Variants in SLC24A3 observed in about 807,000 individuals in gnomAD.
SLC24A3 encodes solute carrier family 24 member 3, also known as sodium/potassium/calcium exchanger 3.
In SLC24A3, 28 loss-of-function variants were observed where a neutral mutation model predicts 75.8. That is an observed-to-expected ratio of 0.37 (90% confidence interval 0.27 to 0.51). SLC24A3 has a LOEUF of 0.51. Among genes scored for constraint, SLC24A3 ranks in the 20% least tolerant of loss-of-function variants. The pLI is 0.94. For synonymous variants in SLC24A3, 372 were observed against 334.1 expected, an observed-to-expected ratio of 1.11 and a Z score of -1.24; for missense variants, 663 against 847.8, an observed-to-expected ratio of 0.78 and a Z score of 2.71.
At chr20:19,231,780 A>G (rs1300164676) in intron 1 of SLC24A3, among the ~76,000 whole-genome samples, 3 of 152,242 alleles carry the variant, frequency 2.0e-5, no homozygotes, top group Non-Finnish European at 4.4e-5. Context: ...AATATTGGCC[A>G]TGGTCTAACT....
chr20:19,453,002 T>C (rs1452864072), intron 2 of SLC24A3, among the ~76,000 whole-genome samples: 1 of 152,052 alleles, frequency 6.6e-6, no homozygotes, highest in East Asian at 1.9e-4. Flanking sequence ...GCCAAGATGG[T>C]GAAACCCCAT....
chr20:19,678,286 G>A (rs570730801), intron 9 of SLC24A3, among the ~76,000 whole-genome samples: 1,970 of 120,648 alleles, frequency 0.016, 13 homozygotes, highest in Non-Finnish European at 0.02. Flanking sequence ...AGGGGCGGCC[G>A]GGCAGAGGCA....
intron 6 of SLC24A3, among the ~76,000 whole-genome samples, chr20:19,643,783 C>T (rs1978352523): frequency 6.6e-6 from 1 of 152,184 alleles, no homozygotes; most frequent in South Asian, 2.1e-4. Context: ...GAACTCCACA[C>T]TATTTTGGAG....
intron 2 of SLC24A3, among the ~76,000 whole-genome samples, chr20:19,300,859 ACTGT>A (rs887580659): frequency 6.6e-5 from 10 of 152,044 alleles, no homozygotes; most frequent in Non-Finnish European, 1.0e-4. Context: ...GGGACTGTTC[ACTGT>A]CTGGCTGCGA....
chr20:19,318,910 T>G (rs1411699562), intron 2 of SLC24A3, among the ~76,000 whole-genome samples: 1 of 152,120 alleles, frequency 6.6e-6, no homozygotes, highest in African/African-American at 2.4e-5. Context: ...GATGCTTTTT[T>G]TTCTCCTTTT....
chr20:19,373,745 G>A (rs1393021592), intron 2 of SLC24A3, among the ~76,000 whole-genome samples: 1 of 152,172 alleles, frequency 6.6e-6, no homozygotes, highest in Non-Finnish European at 1.5e-5. Context: ...TGGAGGAGGA[G>A]CTTCAGCTGC....
chr20:19,434,740 A>T (rs1038252205), intron 2 of SLC24A3, among the ~76,000 whole-genome samples: 4 of 151,406 alleles, frequency 2.6e-5, no homozygotes, highest in Admixed American at 6.6e-5. Context: ...GAACTTAGAG[A>T]TAGGATGCTT....
intron 2 of SLC24A3, among the ~76,000 whole-genome samples, chr20:19,430,245 C>G (rs1174561141): frequency 1.3e-5 from 2 of 152,180 alleles, no homozygotes; most frequent in Non-Finnish European, 2.9e-5. Context: ...CCAAAGACAT[C>G]ATTGTTCTTC....
intron 2 of SLC24A3, among the ~76,000 whole-genome samples, chr20:19,427,961 A>G (rs1987039220): frequency 6.6e-6 from 1 of 152,260 alleles, no homozygotes; most frequent in South Asian, 2.1e-4. Context: ...CCACACACAT[A>G]TAACAAAACA....
chr20:19,650,904 TTCA>T (rs2032195542), intron 6 of SLC24A3, among the ~76,000 whole-genome samples: 1 of 152,204 alleles, frequency 6.6e-6, no homozygotes, highest in African/African-American at 2.4e-5. Context: ...TATCAACTGT[TTCA>T]TCAATTTTGT....
intron 1 of SLC24A3, among the ~76,000 whole-genome samples, chr20:19,277,583 C>A (rs1983524351): frequency 1.3e-5 from 2 of 152,200 alleles, no homozygotes; most frequent in South Asian, 2.1e-4. Flanking sequence ...CATCATTCTT[C>A]TTTTCTCAGA....
chr20:19,356,979 G>A (rs1985698080), intron 2 of SLC24A3, among the ~76,000 whole-genome samples: 2 of 152,100 alleles, frequency 1.3e-5, no homozygotes, highest in South Asian at 4.1e-4. Context: ...AAAGAGAGAA[G>A]GTCCTAATCC....
At chr20:19,373,840 G>A (rs747048958) in intron 2 of SLC24A3, among the ~76,000 whole-genome samples, 3 of 152,166 alleles carry the variant, frequency 2.0e-5, no homozygotes, top group Non-Finnish European at 2.9e-5. Context: ...AAGCCAAAAC[G>A]AAATGAAGCT....
intron 2 of SLC24A3, among the ~76,000 whole-genome samples, chr20:19,294,880 T>A (rs1435248174): frequency 6.6e-6 from 1 of 152,242 alleles, no homozygotes; most frequent in East Asian, 1.9e-4. Flanking sequence ...CCACAATGGT[T>A]GAACTAATTT....
rs1478645212 is a variant in SLC24A3 at position 19,546,534 on chromosome 20, T to G, written c.348+30970T>G. On this transcript the variant is annotated intron_variant, in intron 3 of 16. Coordinates refer to ENST00000328041, the MANE Select transcript of SLC24A3 (RefSeq NM_020689.4). Reference sequence around the variant, plus strand: ...CCCATCACCCTCATGTCTGTCCCACTCTTCACCTCCTCCCTGCAAGGCAGC... The same window carrying G: ...CCCATCACCCTCATGTCTGTCCCACGCTTCACCTCCTCCCTGCAAGGCAGC... Among the ~76,000 whole-genome samples, 3 of 152,182 alleles carry G rather than the reference T, an allele frequency of 2.0e-5. No individual in the cohort carries two copies. In the East Asian group the frequency reaches 5.8e-4, roughly 29 times the overall value.
chr20:19,343,319 G>C (rs918790676), intron 2 of SLC24A3, among the ~76,000 whole-genome samples: 1 of 152,046 alleles, frequency 6.6e-6, no homozygotes, highest in Non-Finnish European at 1.5e-5. Flanking sequence ...CATTTCAATT[G>C]TGTGACCTTG....
At chr20:19,665,326 T>C (rs1171284435) in intron 7 of SLC24A3, among the ~76,000 whole-genome samples, 1 of 152,116 alleles carries the variant, frequency 6.6e-6, no homozygotes, top group Non-Finnish European at 1.5e-5. Context: ...TACTTCTGGT[T>C]GTGATGTGAA....
At chr20:19,661,506 G>GT (rs2032325974) in intron 7 of SLC24A3, among the ~76,000 whole-genome samples, 1 of 152,140 alleles carries the variant, frequency 6.6e-6, no homozygotes, top group African/African-American at 2.4e-5. Flanking sequence ...GGGAGTTCCC[G>GT]TGATATTGAG....
chr20:19,432,962 G>A (rs1230821061), intron 2 of SLC24A3, among the ~76,000 whole-genome samples: 1 of 152,140 alleles, frequency 6.6e-6, no homozygotes, highest in African/African-American at 2.4e-5. Context: ...CATCGCCAAG[G>A]TCTGATTGCA....
Sources: gnomAD v4.1 joint callset for allele counts (sites outside exome capture counted in the v4.1 genomes callset) on GRCh38, gnomAD v4.1.1 for gene constraint, MANE v1.5 for transcripts, NCBI Gene and HGNC (gene_info 2026-07-23, HGNC 2026-07-21) for gene names.